The following NTN1 variants were observed in gnomAD, a reference collection of about 807,000 sequenced individuals.
NTN1 encodes the protein netrin 1, also known as netrin-1.
A neutral mutation model predicts 54.2 loss-of-function variants in NTN1; 11 were observed. The observed-to-expected ratio is 0.20, with a 90% confidence interval of 0.13 to 0.34. The LOEUF (loss-of-function observed/expected upper bound fraction) is 0.34, where lower values mean the gene tolerates loss of function less well. Ranked by LOEUF, NTN1 falls within the 10% of genes least tolerant of loss-of-function variation. The pLI is 1.00. For synonymous variants in NTN1, 371 were observed against 382.0 expected (o/e 0.97, Z 0.33); for missense variants, 740 against 893.1 (o/e 0.83, Z 2.18).
intron 5 of NTN1, among the ~76,000 whole-genome samples, chr17:9,198,684 C>T (rs1303106582): frequency 6.6e-6 from 1 of 152,200 alleles, no homozygotes; most frequent in Non-Finnish European, 1.5e-5. Flanking sequence ...TTACTGATAT[C>T]TCTCACATCT....
At chr17:9,227,713 C>G (rs1358888967) in intron 6 of NTN1, among the ~76,000 whole-genome samples, 1 of 151,708 alleles carries the variant, frequency 6.6e-6, no homozygotes, top group African/African-American at 2.4e-5. Context: ...ATCACACGCA[C>G]ACACACCACA....
chr17:9,061,343 A>AG (rs1203914725), intron 2 of NTN1, among the ~76,000 whole-genome samples: 3 of 152,132 alleles, frequency 2.0e-5, no homozygotes, highest in African/African-American at 4.8e-5. Flanking sequence ...CCAAAGGGTA[A>AG]GGGGGGGTCT....
chr17:9,101,661 T>C (rs1010301920), intron 2 of NTN1, among the ~76,000 whole-genome samples: 1 of 152,208 alleles, frequency 6.6e-6, no homozygotes, highest in Admixed American at 6.5e-5. Flanking sequence ...GATTTCTTCC[T>C]AATCCCTGCC....
chr17:9,203,938 G>C (rs2142339901), intron 5 of NTN1, among the ~76,000 whole-genome samples: 1 of 152,302 alleles, frequency 6.6e-6, no homozygotes, highest in South Asian at 2.1e-4. Flanking sequence ...CCTTGGAAGG[G>C]GAGGGGCTCC....
chr17:9,226,518 G>GGTCTCGTGGGGAGGCT lies in NTN1; in HGVS notation c.1486+5291_1486+5292insTGTCTCGTGGGGAGGC, dbSNP rs1567745086. Reference sequence around the variant, plus strand: ...TGGGGAGGTGGTCTCGTGGGGAGGTGGTCTCGTGGGGAGGCGGTCTCGTGG... The same window carrying GGTCTCGTGGGGAGGCT: ...TGGGGAGGTGGTCTCGTGGGGAGGTGGTCTCGTGGGGAGGCTGTCTCGTGGGGAGGCGGTCTCGTGG... On this transcript the variant is annotated intron_variant, in intron 6 of 6. Transcript: ENST00000173229. Among the ~76,000 whole-genome samples the GGTCTCGTGGGGAGGCT allele has an allele frequency of 6.9e-4, 38 of 55,150 alleles. 1 individual carries two copies. The highest frequency in any genetic ancestry group is 2.6e-3 in the South Asian group (4 of 1,512). 36.2% of individuals were successfully genotyped at this position (55,150 alleles called of 152,430 possible).
intron 2 of NTN1, among the ~76,000 whole-genome samples, chr17:9,090,078 T>C (rs137954521): frequency 2.1e-4 from 32 of 152,088 alleles, no homozygotes; most frequent in African/African-American, 6.7e-4. Flanking sequence ...GCTGTGGGTA[T>C]GTGAGTGGGG....
In NTN1 at chr17:9,022,550, C is replaced by A. The variant is rs748162112; in HGVS notation, c.177C>A (p.Ala59=). 41 of 1,550,400 alleles carry A rather than the reference C, an allele frequency of 2.6e-5. No homozygotes were observed. Among genetic ancestry groups the A allele is most frequent in the Non-Finnish European group, 3.6e-5 (41 of 1,150,004 alleles). Reference sequence around the variant, plus strand: ...GCATCCCGGACTTTGTCAATGCGGCCTTCGGCAAGGACGTGCGCGTGTCCA... The same window carrying A: ...GCATCCCGGACTTTGTCAATGCGGCATTCGGCAAGGACGTGCGCGTGTCCA... ...RRCIPDFVNA[A]FGKDVRVSST... The change falls in exon 2 of 7, where the codon GCC becomes GCA. Residue 59 remains alanine (A), a synonymous_variant. Transcript: ENST00000173229.
chr17:9,071,922 A>G (rs2092033209), intron 2 of NTN1, among the ~76,000 whole-genome samples: 1 of 152,176 alleles, frequency 6.6e-6, no homozygotes, highest in Non-Finnish European at 1.5e-5. Context: ...GTTGCCTTAT[A>G]TGGTGGCCCC....
intron 2 of NTN1, among the ~76,000 whole-genome samples, chr17:9,058,659 A>G (rs947899775): frequency 6.6e-6 from 1 of 151,136 alleles, no homozygotes; most frequent in Non-Finnish European, 1.5e-5. Flanking sequence ...AAAAAAAAAA[A>G]AAAAAGAAAA....
intron 5 of NTN1, among the ~76,000 whole-genome samples, chr17:9,192,588 G>A (rs1904491316): frequency 6.6e-6 from 1 of 152,132 alleles, no homozygotes; most frequent in South Asian, 2.1e-4. Context: ...CTTGTGTTAC[G>A]CAGGACAGCT....
intron 2 of NTN1, among the ~76,000 whole-genome samples, chr17:9,093,004 C>G (rs1034578607): frequency 6.6e-6 from 1 of 152,020 alleles, no homozygotes; most frequent in Non-Finnish European, 1.5e-5. Flanking sequence ...GTGATCCGCC[C>G]GCCTCGGCCT....
At chr17:9,119,332 C>G (rs1341773560) in intron 2 of NTN1, among the ~76,000 whole-genome samples, 1 of 152,030 alleles carries the variant, frequency 6.6e-6, no homozygotes, top group Non-Finnish European at 1.5e-5. Flanking sequence ...GGATTACAGG[C>G]ACACACCACC....
At chr17:9,177,826 A>T (rs1342320060) in intron 3 of NTN1, 2 of 152,190 alleles carry the variant, frequency 1.3e-5, no homozygotes, top group Non-Finnish European at 2.9e-5. Context: ...ATCTTTTCTT[A>T]CTGTCGAGAG....
intron 2 of NTN1, among the ~76,000 whole-genome samples, chr17:9,071,753 G>C (rs2092032769): frequency 1.3e-5 from 2 of 152,080 alleles, no homozygotes; most frequent in Admixed American, 6.5e-5. Flanking sequence ...CACTTGTATT[G>C]TTTTCCCTAC....
At chr17:9,074,040 C>G (rs2092041230) in intron 2 of NTN1, among the ~76,000 whole-genome samples, 1 of 152,158 alleles carries the variant, frequency 6.6e-6, no homozygotes, top group African/African-American at 2.4e-5. Context: ...GGCCAGTGAC[C>G]AGCCTGGGAG....
upstream of NTN1, among the ~76,000 whole-genome samples, chr17:9,018,576 A>T (rs1434783716): frequency 1.3e-5 from 2 of 149,130 alleles, no homozygotes; most frequent in African/African-American, 2.5e-5. Flanking sequence ...AGAGGTTGAG[A>T]ATGCGCCATT....
the NTN1 span, among the ~76,000 whole-genome samples, chr17:9,013,222 T>C: frequency 2.8e-5 from 4 of 142,818 alleles, no homozygotes; most frequent in African/African-American, 1.1e-4. Context: ...TTTTCTTTTT[T>C]TTTTTTTTTT....
At chr17:9,088,411 C>G (rs892827343) in intron 2 of NTN1, among the ~76,000 whole-genome samples, 2 of 152,188 alleles carry the variant, frequency 1.3e-5, no homozygotes, top group African/African-American at 2.4e-5. Flanking sequence ...CCTTTCCCCT[C>G]TCTGGGCTTC....
chr17:9,101,272 T>C (rs1374481405), intron 2 of NTN1, among the ~76,000 whole-genome samples: 1 of 152,220 alleles, frequency 6.6e-6, no homozygotes, highest in Non-Finnish European at 1.5e-5. Context: ...TGGATTTGGG[T>C]GGACCAAAGC....
Sources: allele counts gnomAD v4.1 joint callset (sites outside exome capture counted in the v4.1 genomes callset), GRCh38; gene constraint gnomAD v4.1.1; transcripts MANE v1.5; gene names NCBI Gene and HGNC (gene_info 2026-07-23, HGNC 2026-07-21).